Variants in MAPK8 observed in about 807,000 individuals in gnomAD.
The protein encoded by MAPK8 is JUN N-terminal kinase.
A neutral mutation model predicts 52.9 loss-of-function variants in MAPK8; 13 were observed. The observed-to-expected ratio is 0.25, with a 90% confidence interval of 0.16 to 0.39. The LOEUF (loss-of-function observed/expected upper bound fraction) is 0.39, where lower values mean the gene tolerates loss of function less well. Among genes scored for constraint, MAPK8 ranks in the 10% least tolerant of loss-of-function variants. The pLI, the probability that MAPK8 is intolerant of heterozygous loss-of-function variation, is 1.00. For synonymous variants in MAPK8, 191 were observed against 169.8 expected (o/e 1.12, Z -0.97); for missense variants, 300 against 519.2 (o/e 0.58, Z 4.10).
intron 5 of MAPK8, among the ~76,000 whole-genome samples, chr10:48,413,470 A>G (rs1225633610): frequency 6.6e-6 from 1 of 152,010 alleles, no homozygotes; most frequent in Non-Finnish European, 1.5e-5. Context: ...CATAGTAACC[A>G]TCCTAAAGGG....
At chr10:48,339,134 T>TC (rs1844985133) in intron 1 of MAPK8, among the ~76,000 whole-genome samples, 1 of 152,028 alleles carries the variant, frequency 6.6e-6, no homozygotes, top group African/African-American at 2.4e-5. Flanking sequence ...GGTAGAGCGA[T>TC]CTAAGCAAAA....
chr10:48,346,574 G>A (rs1845807127), intron 1 of MAPK8, among the ~76,000 whole-genome samples: 1 of 152,108 alleles, frequency 6.6e-6, no homozygotes, highest in Admixed American at 6.5e-5. Context: ...CCTTTCCCCG[G>A]GGGAGTTTAG....
At chr10:48,415,227 GTGAAACTTCTAGGTT>G (rs1364384164) in intron 5 of MAPK8, among the ~76,000 whole-genome samples, 1 of 152,174 alleles carries the variant, frequency 6.6e-6, no homozygotes, top group Admixed American at 6.5e-5. Context: ...GAGCAGACGA[GTGAAACTTCTAGGTT>G]TGGGTTGTTT....
chr10:48,320,062 G>A (rs984533517), intron 1 of MAPK8, among the ~76,000 whole-genome samples: 2 of 151,430 alleles, frequency 1.3e-5, no homozygotes, highest in African/African-American at 2.4e-5. Flanking sequence ...GATTACAGGC[G>A]CATGCCACCA....
intron 1 of MAPK8, among the ~76,000 whole-genome samples, chr10:48,371,701 A>G (rs1478476349): frequency 6.6e-6 from 1 of 152,076 alleles, no homozygotes. Flanking sequence ...AAACAGCATC[A>G]GATCCCACAG....
At chr10:48,335,595 C>A (rs181702067) in intron 1 of MAPK8, among the ~76,000 whole-genome samples, 7 of 152,218 alleles carry the variant, frequency 4.6e-5, no homozygotes, top group African/African-American at 1.7e-4. Context: ...GTGATAGGCA[C>A]ACTTTGTTCA....
intron 1 of MAPK8, among the ~76,000 whole-genome samples, chr10:48,338,040 T>C (rs1689488619): frequency 6.6e-6 from 1 of 152,154 alleles, no homozygotes; most frequent in South Asian, 2.1e-4. Context: ...GATACCAATC[T>C]TACTGAAACT....
intron 1 of MAPK8, among the ~76,000 whole-genome samples, chr10:48,330,806 C>T (rs538930888): frequency 8.6e-4 from 131 of 152,308 alleles, no homozygotes; most frequent in African/African-American, 3.1e-3. Flanking sequence ...CCCTTCCCCC[C>T]GTAACTTTCA....
At chr10:48,391,556 C>A (rs534033028) in intron 1 of MAPK8, among the ~76,000 whole-genome samples, 8 of 152,236 alleles carry the variant, frequency 5.3e-5, no homozygotes, top group Non-Finnish European at 1.2e-4. Context: ...TTTTTCTGTT[C>A]TCTCAACACA....
intron 2 of MAPK8, among the ~76,000 whole-genome samples, chr10:48,403,782 T>C (rs2042287875): frequency 6.6e-6 from 1 of 152,022 alleles, no homozygotes; most frequent in Admixed American, 6.5e-5. Context: ...AGAGTCTCAC[T>C]CTGTCGCCCA....
chr10:48,383,126 C>T (rs1203063877), intron 1 of MAPK8, among the ~76,000 whole-genome samples: 1 of 151,662 alleles, frequency 6.6e-6, no homozygotes, highest in Admixed American at 6.6e-5. Flanking sequence ...GGGTACCTTT[C>T]CAAGTGACTC....
intron 1 of MAPK8, among the ~76,000 whole-genome samples, chr10:48,388,863 C>T (rs569694687): frequency 6.0e-4 from 91 of 152,046 alleles, no homozygotes; most frequent in Non-Finnish European, 1.1e-3. Context: ...GAGGAGGAAC[C>T]GTAAAGTCCA....
chr10:48,361,739 G>T (rs954054440), intron 1 of MAPK8, among the ~76,000 whole-genome samples: 1 of 152,156 alleles, frequency 6.6e-6, no homozygotes, highest in Admixed American at 6.5e-5. Context: ...TTCCCCTGGG[G>T]CGTAGGGGGG....
chr10:48,310,759 G>T (rs1246959218), intron 1 of MAPK8, among the ~76,000 whole-genome samples: 3 of 151,640 alleles, frequency 2.0e-5, no homozygotes, highest in Non-Finnish European at 4.4e-5. Context: ...GTGTGTATGT[G>T]TGTATACGTA....
In MAPK8 at chr10:48,411,811, C is replaced by G. The variant is rs1482289848; in HGVS notation, c.450+1643C>G. On this transcript the variant is annotated intron_variant, in intron 5 of 11. Transcript: ENST00000374189. ...TTTTCTTTCTTTTCTCTCCTTCCCT[C>G]CCTTCCCCCCTCCCTTCCCCTTCCT... is the stretch of plus-strand genomic sequence containing the variant. 2.4e-5 allele frequency among the ~76,000 whole-genome samples: 3 copies of G among 127,566 alleles called. No individual in the cohort carries two copies. The East Asian group carries it at 7.5e-4, about 32-fold the overall frequency. 83.7% of individuals were successfully genotyped at this position (127,566 alleles called of 152,430 possible). A position where few individuals can be genotyped will look rare whatever the true frequency, so the allele number is the denominator to read the frequency against.
At chr10:48,420,503 G>GC (rs1327578888) in intron 6 of MAPK8, among the ~76,000 whole-genome samples, 183 bp downstream of exon 6, 2 of 152,072 alleles carry the variant, frequency 1.3e-5, no homozygotes, top group Admixed American at 6.6e-5. Context: ...AAAACTTGGG[G>GC]CCCTTATTTG....
intron 7 of MAPK8, chr10:48,425,496 AATC>A (rs2043624450): frequency 2.8e-6 from 1 of 358,420 alleles, no homozygotes; most frequent in South Asian, 1.0e-4. Flanking sequence ...TAGGAGATAT[AATC>A]ATGTTTTCTG....
At chr10:48,323,615 GTT>G (rs1698147439) in intron 1 of MAPK8, among the ~76,000 whole-genome samples, 1 of 152,124 alleles carries the variant, frequency 6.6e-6, no homozygotes, top group Admixed American at 6.5e-5. Context: ...GTCTTAAAGA[GTT>G]TTTGTTTTTG....
At chr10:48,388,356 CT>C (rs1256226093) in intron 1 of MAPK8, among the ~76,000 whole-genome samples, 1 of 152,140 alleles carries the variant, frequency 6.6e-6, no homozygotes, top group African/African-American at 2.4e-5. Context: ...TTTTCTTTTG[CT>C]TTAGTATTTT....
Sources: gnomAD v4.1 joint callset for allele counts (sites outside exome capture counted in the v4.1 genomes callset) on GRCh38, gnomAD v4.1.1 for gene constraint, MANE v1.5 for transcripts, NCBI Gene and HGNC (gene_info 2026-07-23, HGNC 2026-07-21) for gene names.